Variants in DNAH9 observed in about 807,000 individuals in gnomAD.
DNAH9 encodes the protein dynein axonemal heavy chain 9.
In DNAH9, 345 loss-of-function variants were observed where a neutral mutation model predicts 471.6. That is an observed-to-expected ratio of 0.73 (90% confidence interval 0.67 to 0.80). DNAH9 has a LOEUF of 0.80. DNAH9 is among the 30% of genes least tolerant of loss of function. The pLI is 0.00. For synonymous variants in DNAH9, 2,093 were observed against 2,123.6 expected (o/e 0.99, Z 0.40); for missense variants, 5,407 against 5,609.2 (o/e 0.96, Z 1.15).
At chr17:11,697,926 TA>T (rs2074504363) in intron 22 of DNAH9, among the ~76,000 whole-genome samples, 1 of 151,444 alleles carries the variant, frequency 6.6e-6, no homozygotes, top group African/African-American at 2.4e-5. Context: ...TTCTTTAATG[TA>T]ATTGAAAGAA....
chr17:11,685,801 ATT>A (rs66577382), intron 19 of DNAH9, among the ~76,000 whole-genome samples: 320 of 123,572 alleles, frequency 2.6e-3, no homozygotes, highest in African/African-American at 8.8e-3. Flanking sequence ...GGATACATTA[ATT>A]TTTTTTTTTT....
At chr17:11,961,258 T>C (rs943219228) in intron 67 of DNAH9, among the ~76,000 whole-genome samples, 5 of 152,108 alleles carry the variant, frequency 3.3e-5, no homozygotes, top group African/African-American at 1.2e-4. Flanking sequence ...GAGGTTGCAG[T>C]GAGCAGAGAT....
chr17:11,764,655 A>G (rs1236437748), intron 36 of DNAH9, among the ~76,000 whole-genome samples: 2 of 152,148 alleles, frequency 1.3e-5, no homozygotes, highest in Admixed American at 1.3e-4. Flanking sequence ...TTCACCTAGC[A>G]TAACAGTCTC....
At chr17:11,749,575 C>T (rs1384270020) in intron 32 of DNAH9, among the ~76,000 whole-genome samples, 1 of 151,574 alleles carries the variant, frequency 6.6e-6, no homozygotes, top group Non-Finnish European at 1.5e-5. Context: ...AGCTGCTGAT[C>T]TAGTATCATA....
At chr17:11,741,055 A>G (rs1036998630) in intron 29 of DNAH9, among the ~76,000 whole-genome samples, 9 of 152,256 alleles carry the variant, frequency 5.9e-5, no homozygotes, top group South Asian at 2.1e-4. Flanking sequence ...GTACAAATGT[A>G]TATTTACCCA....
At chr17:11,635,497 T>A (rs988236665) in intron 8 of DNAH9, among the ~76,000 whole-genome samples, 7 of 152,134 alleles carry the variant, frequency 4.6e-5, no homozygotes, top group African/African-American at 1.4e-4. Flanking sequence ...TCAATTTTTT[T>A]AATTCTCTTT....
chr17:11,621,627 C>T (rs1264830349), intron 6 of DNAH9, among the ~76,000 whole-genome samples: 3 of 152,052 alleles, frequency 2.0e-5, no homozygotes, highest in Non-Finnish European at 4.4e-5. Flanking sequence ...GTGCCAGGCA[C>T]GGAGCTAGGA....
chr17:11,652,484 A>G (rs1056544909), intron 13 of DNAH9, among the ~76,000 whole-genome samples: 4 of 151,680 alleles, frequency 2.6e-5, no homozygotes, highest in African/African-American at 9.7e-5. Flanking sequence ...ACAGGGTTTC[A>G]CCGTGTTAGC....
chr17:11,813,821 C>T (rs1970003189), intron 45 of DNAH9, among the ~76,000 whole-genome samples: 1 of 152,148 alleles, frequency 6.6e-6, no homozygotes, highest in South Asian at 2.1e-4. Context: ...ATCTTTATGC[C>T]AGTTGTATCT....
chr17:11,941,930 C>T (rs527558382), intron 66 of DNAH9, among the ~76,000 whole-genome samples: 3 of 152,360 alleles, frequency 2.0e-5, no homozygotes, highest in Admixed American at 1.3e-4. Context: ...TTCAGCTTCA[C>T]ATGGCCCACA....
chr17:11,938,277 G>A (rs979961271), intron 66 of DNAH9, among the ~76,000 whole-genome samples: 8 of 151,976 alleles, frequency 5.3e-5, no homozygotes, highest in Non-Finnish European at 1.2e-4. Flanking sequence ...GGCCAACATG[G>A]TGAAACCCCA....
At chr17:11,617,080 T>C (rs1160021102) in intron 4 of DNAH9, among the ~76,000 whole-genome samples, 1 of 152,180 alleles carries the variant, frequency 6.6e-6, no homozygotes, top group Admixed American at 6.5e-5. Flanking sequence ...TGAAGGAAAG[T>C]CTTTCTGATT....
rs1397859222 is a variant in DNAH9, at chr17:11,623,262, C to T, written c.1350+3481C>T. Among the ~76,000 whole-genome samples the T allele has an allele frequency of 6.6e-6, 1 of 152,118 alleles. No individual in the cohort carries two copies. The highest frequency in any genetic ancestry group is 1.5e-5 in the Non-Finnish European group (1 of 68,022). ...GTGCTGGGATTACAGGTGTGAGCCA[C>T]CGTGCCCGGCCAGCATTTCTTTTCT... On this transcript the variant is annotated intron_variant, in intron 6 of 68. Coordinates refer to ENST00000262442, the MANE Select transcript of DNAH9 (RefSeq NM_001372.4). This position sits in a 1 kb window ranked among gnomAD's most constrained non-coding sequence, Gnocchi z 4.1.
intron 14 of DNAH9, among the ~76,000 whole-genome samples, chr17:11,658,318 C>T (rs2073691859): frequency 6.6e-6 from 1 of 152,102 alleles, no homozygotes; most frequent in Non-Finnish European, 1.5e-5. Flanking sequence ...TTTCCAATTA[C>T]TATCAGGTAG....
chr17:11,689,641 C>T lies in DNAH9; in HGVS notation c.3819C>T (p.Ala1273=). ...IEIQQMESTM[A]SISESASLFE... is the part of the protein sequence containing the mutation. ...TCCAGCAGATGGAATCCACTATGGC[C>T]TCCATTTCTGAGTCTGCCAGCTTAT... Residue 1273 remains alanine (A), a synonymous_variant, in exon 20 of 69, where the codon GCC becomes GCT. Coordinates refer to ENST00000262442, the MANE Select transcript of DNAH9 (RefSeq NM_001372.4). 4.3e-6 allele frequency: 7 copies of T among 1,613,802 alleles called. No individual in the cohort carries two copies. The highest frequency in any genetic ancestry group is 5.9e-6 in the Non-Finnish European group (7 of 1,179,720).
chr17:11,710,973 C>T (rs1288505042), intron 26 of DNAH9, among the ~76,000 whole-genome samples: 1 of 152,192 alleles, frequency 6.6e-6, no homozygotes, highest in Non-Finnish European at 1.5e-5. Context: ...GGTTTAAACT[C>T]TCTCATATAT....
At chr17:11,732,999 C>T (rs1038176480) in intron 28 of DNAH9, among the ~76,000 whole-genome samples, 2 of 152,184 alleles carry the variant, frequency 1.3e-5, no homozygotes, top group African/African-American at 4.8e-5. Context: ...AGGGAGCTTC[C>T]CATGTAACAC....
At chr17:11,721,335 A>G (rs760310111) in intron 27 of DNAH9, among the ~76,000 whole-genome samples, 1 of 151,982 alleles carries the variant, frequency 6.6e-6, no homozygotes, top group South Asian at 2.1e-4. Flanking sequence ...CTAAGCTTCC[A>G]TGGAATACAG....
Position 11,784,221 on chromosome 17 carries a change from T to C in DNAH9, c.7822-79T>C, listed in dbSNP as rs560243362. On this transcript the variant is annotated intron_variant, in intron 40 of 68. Coordinates refer to ENST00000262442, the MANE Select transcript of DNAH9 (RefSeq NM_001372.4). ...ATTCGAAGGCTGTATAAGAATTTTC[T>C]GTTATCTCCAAATTCAGAAGCGGTG... 1.4e-5 allele frequency: 22 copies of C among 1,586,370 alleles called. No individual in the cohort carries two copies. The South Asian group carries it at 2.2e-4, about 16-fold the overall frequency.
Sources: gnomAD v4.1 joint callset for allele counts (sites outside exome capture counted in the v4.1 genomes callset) on GRCh38, gnomAD v4.1.1 for gene constraint, Gnocchi (gnomAD v3.1) non-coding constraint, MANE v1.5 for transcripts, NCBI Gene and HGNC (gene_info 2026-07-23, HGNC 2026-07-21) for gene names.